Variants in WWP2 observed in about 807,000 individuals in gnomAD.
The protein encoded by WWP2 is NEDD4-like E3 ubiquitin-protein ligase WWP2.
Under a neutral mutation model 121.0 loss-of-function variants are expected in WWP2, and 57 were observed. The ratio of observed to expected loss-of-function variants is 0.47; its 90% confidence interval spans 0.38 to 0.59. The LOEUF (loss-of-function observed/expected upper bound fraction) is 0.59. WWP2 is among the 20% of genes least tolerant of loss of function. The pLI, the probability that WWP2 is intolerant of heterozygous loss-of-function variation, is 0.00. For synonymous variants in WWP2, 449 were observed against 441.3 expected, an observed-to-expected ratio of 1.02 and a Z score of -0.22; for missense variants, 962 against 1,158.9, an observed-to-expected ratio of 0.83 and a Z score of 2.47.
intron 10 of WWP2, among the ~76,000 whole-genome samples, chr16:69,920,701 C>T (rs1222172232): frequency 6.6e-6 from 1 of 151,994 alleles, no homozygotes; most frequent in Non-Finnish European, 1.5e-5. Flanking sequence ...GTGGGAGGAT[C>T]ACTTGAGCCC....
chr16:69,888,232 C>A lies in WWP2; in HGVS notation c.897C>A (p.Pro299=). The change falls in exon 8 of 24, where the codon CCC becomes CCA. Residue 299 remains proline, a synonymous_variant. Transcript: ENST00000359154. ...TQQLPAAAQA[P]DALPAGWEQR... ...AGCTCCCAGCGGCTGCCCAGGCCCC[C>A]GACGCTCTGCCTGCTGGGTGAGTAG... is the stretch of plus-strand genomic sequence containing the variant. The A allele has an allele frequency of 1.2e-6, 2 of 1,614,106 alleles. No homozygotes were observed. Among genetic ancestry groups the A allele is most frequent in the South Asian group, 1.1e-5 (1 of 91,084 alleles).
intron 4 of WWP2, among the ~76,000 whole-genome samples, chr16:69,835,855 T>A (rs1208909586): frequency 1.3e-5 from 2 of 150,362 alleles, no homozygotes; most frequent in Non-Finnish European, 2.9e-5. Flanking sequence ...CAGGCTGGAA[T>A]GTGGTGGCAC....
chr16:69,817,178 G>T (rs563332226), intron 4 of WWP2, among the ~76,000 whole-genome samples: 1 of 152,152 alleles, frequency 6.6e-6, no homozygotes, highest in African/African-American at 2.4e-5. Context: ...TTTGTAACTT[G>T]ATTTTTTCAC....
At chr16:69,922,330 T>C (rs541665966) in intron 10 of WWP2, among the ~76,000 whole-genome samples, 1 of 152,348 alleles carries the variant, frequency 6.6e-6, no homozygotes, top group East Asian at 1.9e-4. Context: ...CTGTATTTGC[T>C]AGACATTCTT....
chr16:69,767,241 T>C (rs1288476069), intron 1 of WWP2, among the ~76,000 whole-genome samples: 1 of 152,154 alleles, frequency 6.6e-6, no homozygotes, highest in Admixed American at 6.5e-5. Flanking sequence ...GTTTGAAATA[T>C]GTATTGGTTT....
In WWP2 at chr16:69,939,018, G is replaced by T; in HGVS notation, c.2344-9G>T. 6.3e-7 allele frequency: 1 copy of T among 1,595,422 alleles called. No individual in the cohort carries two copies. The highest frequency in any genetic ancestry group is 1.7e-5 in the Admixed American group (1 of 57,558). On this transcript the variant is annotated splice_polypyrimidine_tract_variant and intron_variant, in intron 21 of 23. Transcript: ENST00000359154. ...TTGCCTGACTGTGCCTTGACTTGCG[G>T]ACTTCCAGGTGGTGAAGGAGATGGA...
chr16:69,881,794 C>CGATT (rs1353229733), intron 7 of WWP2, among the ~76,000 whole-genome samples: 3 of 152,202 alleles, frequency 2.0e-5, no homozygotes, highest in African/African-American at 7.2e-5. Context: ...TGGGCTCAAG[C>CGATT]GATTCTCCTG....
intron 4 of WWP2, among the ~76,000 whole-genome samples, chr16:69,803,563 C>T (rs1158502859): frequency 1.3e-5 from 2 of 152,042 alleles, no homozygotes; most frequent in Non-Finnish European, 2.9e-5. Flanking sequence ...CTCTGAGGCC[C>T]CCCACTTCCA....
chr16:69,824,092 T>C (rs994606265), intron 4 of WWP2, among the ~76,000 whole-genome samples: 20 of 152,240 alleles, frequency 1.3e-4, no homozygotes, highest in African/African-American at 4.6e-4. Flanking sequence ...CATCTGGTGT[T>C]TGGGCCTCTG....
chr16:69,777,836 G>A, intron 1 of WWP2, among the ~76,000 whole-genome samples: 1 of 150,682 alleles, frequency 6.6e-6, no homozygotes, highest in East Asian at 2.0e-4. Context: ...GGAGGCTGAG[G>A]TGGGAGGATT....
chr16:69,855,051 C>T (rs2151894557), intron 6 of WWP2, among the ~76,000 whole-genome samples: 1 of 151,528 alleles, frequency 6.6e-6, no homozygotes, highest in East Asian at 2.0e-4. Flanking sequence ...GAGATAAGGT[C>T]TCCCCAGGCT....
At chr16:69,813,537 A>T (rs1055708390) in intron 4 of WWP2, among the ~76,000 whole-genome samples, 2 of 152,132 alleles carry the variant, frequency 1.3e-5, no homozygotes, top group African/African-American at 4.8e-5. Flanking sequence ...GGAGTGCAGT[A>T]GCGCAATCTC....
intron 3 of WWP2, 28 bp downstream of exon 3, chr16:69,798,857 G>A (rs762743326): frequency 7.5e-6 from 12 of 1,610,226 alleles, no homozygotes; most frequent in Middle Eastern, 1.7e-4. Flanking sequence ...CTTTTTGAAC[G>A]CAGCAAGATG....
In WWP2 at chr16:69,838,815, A is replaced by T. The variant is rs944057206; in HGVS notation, c.341-1311A>T. On this transcript the variant is annotated intron_variant, in intron 4 of 23. Coordinates refer to ENST00000359154, the MANE Select transcript of WWP2 (RefSeq NM_001270454.2). ...ATAGCAGCAGACTCACTCAGAAAAG[A>T]ATTGGAGAGATCCATGGCAGGGAAG... is the stretch of plus-strand genomic sequence containing the variant. 7 of 985,434 alleles carry T rather than the reference A, an allele frequency of 7.1e-6. No homozygotes were observed. In the African/African-American group the frequency reaches 8.7e-5, roughly 12 times the overall value. The allele number at this position is 985,434 out of a possible 1,614,324, so 61.0% of individuals were successfully genotyped here.
chr16:69,895,872 A>G (rs1394466756), intron 8 of WWP2, among the ~76,000 whole-genome samples: 1 of 152,186 alleles, frequency 6.6e-6, no homozygotes, highest in Admixed American at 6.5e-5. Flanking sequence ...AGATTAAAGG[A>G]TTACACTGAG....
chr16:69,790,924 T>G (rs1482329772), intron 2 of WWP2, among the ~76,000 whole-genome samples: 1 of 152,188 alleles, frequency 6.6e-6, no homozygotes, highest in African/African-American at 2.4e-5. Context: ...TCCTTTCCTA[T>G]GGATTGCCTG....
At chr16:69,776,835 A>T (rs547195596) in intron 1 of WWP2, among the ~76,000 whole-genome samples, 49 of 152,008 alleles carry the variant, frequency 3.2e-4, no homozygotes, top group African/African-American at 7.7e-4. Context: ...TCTCGAAAAA[A>T]AAAAAATAAA....
chr16:69,791,447 CA>C (rs1254772155), intron 2 of WWP2, among the ~76,000 whole-genome samples: 3 of 152,114 alleles, frequency 2.0e-5, no homozygotes, highest in African/African-American at 7.2e-5. Flanking sequence ...AGGCTGGTCT[CA>C]AACTCCTGAC....
intron 2 of WWP2, among the ~76,000 whole-genome samples, chr16:69,796,037 G>C (rs115717950): frequency 0.059 from 8,867 of 149,966 alleles, 855 homozygotes; most frequent in African/African-American, 0.2. Context: ...TTTTTGCGAT[G>C]ATGGGCATCG....
Sources: gnomAD v4.1 joint callset for allele counts (sites outside exome capture counted in the v4.1 genomes callset) on GRCh38, gnomAD v4.1.1 for gene constraint, MANE v1.5 for transcripts, NCBI Gene and HGNC (gene_info 2026-07-23, HGNC 2026-07-21) for gene names.